Variants in CADM2 observed in about 807,000 individuals in gnomAD.
The protein encoded by CADM2 is cell adhesion molecule 2.
In CADM2, 12 loss-of-function variants were observed where a neutral mutation model predicts 49.8. The ratio of observed to expected loss-of-function variants is 0.24; its 90% CI spans 0.15 to 0.39. CADM2 has a LOEUF of 0.39. Among genes scored for constraint, CADM2 ranks in the 10% least tolerant of loss-of-function variants. CADM2 has a pLI of 1.00. For missense variants in CADM2, 378 were observed against 492.3 expected (o/e 0.77, Z 2.20); for synonymous variants, 214 against 175.4 (o/e 1.22, Z -1.74).
At chr3:84,976,143 C>A (rs1334427703) in intron 1 of CADM2, among the ~76,000 whole-genome samples, 1 of 151,552 alleles carries the variant, frequency 6.6e-6, no homozygotes, top group African/African-American at 2.4e-5. Flanking sequence ...ATAATACTTT[C>A]TAGCTTTTAG....
chr3:85,895,129 A>G (rs899872881), intron 5 of CADM2, among the ~76,000 whole-genome samples: 1 of 152,150 alleles, frequency 6.6e-6, no homozygotes, highest in African/African-American at 2.4e-5. Context: ...AGCTGCAGAC[A>G]CTCACGCCTG....
At chr3:85,944,752 G>A (rs1294297872) in intron 7 of CADM2, among the ~76,000 whole-genome samples, 1 of 151,982 alleles carries the variant, frequency 6.6e-6, no homozygotes, top group Non-Finnish European at 1.5e-5. Context: ...CAACATACCA[G>A]AATATCTGGG....
At chr3:85,268,218 A>G (rs1487054051) in intron 1 of CADM2, among the ~76,000 whole-genome samples, 4 of 151,314 alleles carry the variant, frequency 2.6e-5, no homozygotes, top group Admixed American at 1.3e-4. Context: ...CAGCCAGGGG[A>G]AAAAAACACG....
chr3:86,002,623 A>T (rs924724968), intron 8 of CADM2, among the ~76,000 whole-genome samples: 2 of 152,192 alleles, frequency 1.3e-5, no homozygotes, highest in African/African-American at 4.8e-5. Context: ...CCCTAAGTTT[A>T]ATATTTATGC....
chr3:86,037,008 C>T lies in CADM2; in HGVS notation c.971-28597C>T, dbSNP rs554698927. On this transcript the variant is annotated intron_variant, in intron 8 of 9. Transcript: ENST00000383699. ...ATTTCATATTCTATTTCTATTAATGCTGTTAACTTGTCTCTTTGCTTTTAT... is the reference window on the plus strand; with the variant it reads ...ATTTCATATTCTATTTCTATTAATGTTGTTAACTTGTCTCTTTGCTTTTAT... Among the ~76,000 whole-genome samples the T allele has an allele frequency of 3.3e-5, 5 of 152,210 alleles. No individual in the cohort carries two copies. In the South Asian group the frequency reaches 1.0e-3, roughly 32 times the overall value.
intron 1 of CADM2, among the ~76,000 whole-genome samples, chr3:85,019,857 T>A (rs944044244): frequency 6.6e-6 from 1 of 152,154 alleles, no homozygotes; most frequent in Non-Finnish European, 1.5e-5. Context: ...AGATTCAGAA[T>A]GGTTAACGTC....
At chr3:86,062,380 A>T (rs1738765293) in intron 8 of CADM2, among the ~76,000 whole-genome samples, 1 of 152,184 alleles carries the variant, frequency 6.6e-6, no homozygotes, top group Non-Finnish European at 1.5e-5. Context: ...AGAAATAGAT[A>T]TTAGAGAGCT....
intron 1 of CADM2, among the ~76,000 whole-genome samples, chr3:85,645,613 T>G (rs754586155): frequency 2.0e-5 from 3 of 152,100 alleles, no homozygotes; most frequent in Admixed American, 1.3e-4. Flanking sequence ...TCTGTAAAAA[T>G]TTTTATACCA....
intron 1 of CADM2, among the ~76,000 whole-genome samples, chr3:85,619,406 A>T (rs1489429380): frequency 6.6e-6 from 1 of 152,114 alleles, no homozygotes; most frequent in African/African-American, 2.4e-5. Flanking sequence ...AAGGAAAAAA[A>T]ATAATTATTT....
rs187368046 is a variant in CADM2 at position 85,165,404 on chromosome 3, A to T, written c.61+205736A>T. Among the ~76,000 whole-genome samples, 16 of 152,080 alleles carry T rather than the reference A, an allele frequency of 1.1e-4. No homozygotes were observed. In the East Asian group the frequency reaches 2.7e-3, roughly 26 times the overall value. On this transcript the variant is annotated intron_variant, in intron 1 of 9. Transcript: ENST00000383699. ...TTTTAAGAACTTAAGAACGCACTTA[A>T]AAAAGGTCCCAAGCTATTTTAAAAA...
chr3:85,962,214 C>T (rs1019127376), intron 8 of CADM2, among the ~76,000 whole-genome samples: 12 of 151,914 alleles, frequency 7.9e-5, no homozygotes, highest in Non-Finnish European at 1.3e-4. Context: ...CCATCACACC[C>T]GGCTGATTGT....
intron 1 of CADM2, among the ~76,000 whole-genome samples, chr3:85,622,035 A>T (rs552346393): frequency 6.6e-6 from 1 of 152,226 alleles, no homozygotes; most frequent in Non-Finnish European, 1.5e-5. Context: ...TATACACAAA[A>T]ACTGTAAGCT....
At chr3:85,402,460 TTTTG>T (rs2035161971) in intron 1 of CADM2, among the ~76,000 whole-genome samples, 2 of 152,296 alleles carry the variant, frequency 1.3e-5, no homozygotes, top group Admixed American at 6.5e-5. Flanking sequence ...TCTTAGTTTT[TTTTG>T]TTTATTTTAC....
At chr3:85,345,550 A>G (rs1327931356) in intron 1 of CADM2, among the ~76,000 whole-genome samples, 2 of 152,070 alleles carry the variant, frequency 1.3e-5, no homozygotes, top group African/African-American at 4.8e-5. Flanking sequence ...TCATGTGGGA[A>G]CACCCAAAAA....
chr3:85,444,267 T>G (rs2037343490), intron 1 of CADM2, among the ~76,000 whole-genome samples: 1 of 152,174 alleles, frequency 6.6e-6, no homozygotes, highest in Non-Finnish European at 1.5e-5. Flanking sequence ...CCAGAGTGAT[T>G]GTTTGAATAT....
chr3:85,035,048 G>A (rs577703071), intron 1 of CADM2, among the ~76,000 whole-genome samples: 40 of 151,848 alleles, frequency 2.6e-4, no homozygotes, highest in Admixed American at 1.7e-3. Flanking sequence ...TGGTCTGCCC[G>A]CCTTGGCCTC....
chr3:85,801,140 T>G (rs1260056860), intron 2 of CADM2, among the ~76,000 whole-genome samples: 1 of 152,186 alleles, frequency 6.6e-6, no homozygotes, highest in African/African-American at 2.4e-5. Flanking sequence ...CTTCAGATCA[T>G]CTTGCTGAAG....
chr3:85,370,745 C>T (rs2033169191), intron 1 of CADM2, among the ~76,000 whole-genome samples: 1 of 152,054 alleles, frequency 6.6e-6, no homozygotes, highest in African/African-American at 2.4e-5. Flanking sequence ...GAGGCAGGGC[C>T]TTCAGGAGGT....
chr3:85,532,640 C>T (rs1468981700), intron 1 of CADM2, among the ~76,000 whole-genome samples: 5 of 152,066 alleles, frequency 3.3e-5, no homozygotes, highest in Non-Finnish European at 7.4e-5. Context: ...AATATTGCCA[C>T]CCACAATTCC....
Sources: allele counts gnomAD v4.1 joint callset (sites outside exome capture counted in the v4.1 genomes callset), GRCh38; gene constraint gnomAD v4.1.1; transcripts MANE v1.5; gene names NCBI Gene and HGNC (gene_info 2026-07-23, HGNC 2026-07-21).